The following POF1B variants were observed in gnomAD, a reference collection of about 807,000 sequenced individuals.
POF1B encodes POF1B actin binding protein.
Under a neutral mutation model 55.3 loss-of-function variants are expected in POF1B, and 53 were observed. The observed-to-expected ratio is 0.96, with a 90% confidence interval of 0.77 to 1.20. POF1B has a LOEUF of 1.20. Ranked by LOEUF, POF1B falls within the 50% of genes most tolerant of loss-of-function variation. The probability of loss-of-function intolerance (pLI) is 0.00; values close to 1 mark genes in which losing one functional copy is unlikely to be tolerated. For missense variants in POF1B, 478 were observed against 420.5 expected (o/e 1.14, Z -1.20); for synonymous variants, 188 against 148.3 (o/e 1.27, Z -1.95).
At position 85,299,472 on chromosome X, in the gene POF1B, T is replaced by C. The variant is rs1347512004; in HGVS notation, c.1649+3934A>G. Among the ~76,000 whole-genome samples the C allele has an allele frequency of 3.9e-5, 4 of 103,146 alleles. 1 individual carries two copies. The highest frequency in any genetic ancestry group is 1.1e-4 in the African/African-American group (3 of 27,290). 89.6% of individuals were successfully genotyped at this position (103,146 alleles called of 115,157 possible). A position where few individuals can be genotyped will look rare whatever the true frequency, so the allele number is the denominator to read the frequency against. On this transcript the variant is annotated intron_variant, in intron 15 of 16. Coordinates refer to ENST00000262753, the MANE Select transcript of POF1B (RefSeq NM_024921.4). The stretch of plus-strand genomic sequence containing the variant: ...CCTGGCTAATTTTTTGTATTTTTAG[T>C]AGAGACCGGGTTTCACCGTGTTAGC...
intron 6 of POF1B, among the ~76,000 whole-genome samples, chrX:85,336,854 C>T (rs976992224): frequency 2.7e-5 from 3 of 111,555 alleles, no homozygotes; most frequent in Non-Finnish European, 3.8e-5. Flanking sequence ...TGGGTTATTA[C>T]TCAAGAAATC....
Position 85,337,068 on chromosome X carries a change from C to T in POF1B, c.724-5989G>A, listed in dbSNP as rs185598261. On this transcript the variant is annotated intron_variant, in intron 6 of 16. Transcript: ENST00000262753. ...GGAAGAGACTGTCCTTTTCCCAATG[C>T]GTGTTCATAGCACCTTGGTTGAAAA... 5.4e-5 allele frequency among the ~76,000 whole-genome samples: 6 copies of T among 111,817 alleles called. No homozygotes were observed. In the East Asian group the frequency reaches 8.5e-4, roughly 16 times the overall value.
intron 15 of POF1B, among the ~76,000 whole-genome samples, chrX:85,290,450 T>C (rs1932158729): frequency 9.0e-6 from 1 of 111,479 alleles, no homozygotes; most frequent in South Asian, 3.7e-4. Flanking sequence ...AGAATGCTTT[T>C]TTTTACTTTG....
chrX:85,282,187 G>T lies in POF1B; in HGVS notation c.1764+16C>A, dbSNP rs1006478010. 8.5e-7 allele frequency: 1 copy of T among 1,177,418 alleles called. No homozygotes were observed. Among genetic ancestry groups the T allele is most frequent in the Admixed American group, 2.4e-5 (1 of 41,714 alleles). ...ATATCGTCAAAATAGGGCTAAAAAT[G>T]CCCAAGTGAACTTACACAAGTGTAT... On this transcript the variant is annotated intron_variant, in intron 16 of 16. Coordinates refer to ENST00000262753, the MANE Select transcript of POF1B (RefSeq NM_024921.4).
At position 85,351,440 on chromosome X, in the gene POF1B, A is replaced by T. The variant is rs146160940; in HGVS notation, c.450T>A (p.Ser150=). 1.5e-4 allele frequency: 171 copies of T among 1,171,973 alleles called. No homozygotes were observed. In the African/African-American group the frequency reaches 3.0e-3, roughly 20 times the overall value. The change falls in exon 5 of 17, where the codon TCT becomes TCA. Residue 150 remains serine (S), a synonymous_variant. Coordinates refer to ENST00000262753, the MANE Select transcript of POF1B (RefSeq NM_024921.4). ...AGAAATGGCTTCCTCTTAGGAATTG[A>T]GACAGTGGTTCCTAAAATGATAGTA... is the stretch of plus-strand genomic sequence containing the variant. ...VVQNPEQEPL[S]QFLRGSHFFP... is the part of the protein sequence containing the mutation.
Position 85,314,358 on chromosome X carries a change from T to A in POF1B, c.957+74A>T, listed in dbSNP as rs363749. The A allele has an allele frequency of 1.0e-5, 8 of 796,163 alleles. No homozygotes were observed. In the Admixed American group the frequency reaches 1.8e-4, roughly 18 times the overall value. The allele number at this position is 796,163 out of a possible 1,213,427, so 65.6% of individuals were successfully genotyped here. On this transcript the variant is annotated intron_variant, in intron 9 of 16. Transcript: ENST00000262753. ...GATTTTAATTTGGGACTTTCTGTTC[T>A]TAATTAAGGGAAGCAACCTAGGAAG...
At chrX:85,319,463 C>T (rs774224787) in intron 7 of POF1B, among the ~76,000 whole-genome samples, 1 of 111,065 alleles carries the variant, frequency 9.0e-6, no homozygotes, top group Non-Finnish European at 1.9e-5. Flanking sequence ...AAGAAGAATG[C>T]TTCTATCTTT....
intron 6 of POF1B, among the ~76,000 whole-genome samples, chrX:85,331,415 G>A (rs1932977018): frequency 9.0e-6 from 1 of 110,792 alleles, no homozygotes; most frequent in South Asian, 3.8e-4. Flanking sequence ...AAAAGAAAAT[G>A]TGAATTATAT....
At chrX:85,369,747 C>T (rs1051646272) in intron 2 of POF1B, among the ~76,000 whole-genome samples, 2 of 111,870 alleles carry the variant, frequency 1.8e-5, no homozygotes, top group African/African-American at 6.5e-5. Flanking sequence ...GAATCCCACA[C>T]AGAATTGGGA....
intron 15 of POF1B, among the ~76,000 whole-genome samples, chrX:85,296,323 G>C (rs150259470): frequency 2.7e-5 from 3 of 112,128 alleles, no homozygotes; most frequent in African/African-American, 9.7e-5. Context: ...TTGTGTAGTT[G>C]TTTCATAGTG....
intron 15 of POF1B, among the ~76,000 whole-genome samples, chrX:85,299,191 C>CTTTT (rs765012797): frequency 1.3e-5 from 1 of 74,885 alleles, no homozygotes; most frequent in Non-Finnish European, 2.6e-5. Flanking sequence ...CTTTTTTTTT[C>CTTTT]TTTTTTTTTT....
At chrX:85,368,084 A>G (rs1413974753) in intron 2 of POF1B, among the ~76,000 whole-genome samples, 1 of 111,828 alleles carries the variant, frequency 8.9e-6, no homozygotes, top group Non-Finnish European at 1.9e-5. Flanking sequence ...GCAATTAGCA[A>G]GATATAATAT....
At chrX:85,307,938 C>G (rs1478146014) in intron 10 of POF1B, among the ~76,000 whole-genome samples, 186 bp downstream of exon 10, 3 of 111,604 alleles carry the variant, frequency 2.7e-5, no homozygotes, top group African/African-American at 6.5e-5. Context: ...TTCATTTATA[C>G]TTTGGATACC....
intron 12 of POF1B, 78 bp from the exon 13 acceptor site, chrX:85,305,988 G>A: frequency 9.3e-7 from 1 of 1,073,994 alleles, no homozygotes; most frequent in Non-Finnish European, 1.3e-6. Flanking sequence ...ATTGTTATTA[G>A]ATGAAAACCA....
In POF1B at chrX:85,331,570, T is replaced by A. The variant is rs1163236196; in HGVS notation, c.724-491A>T. 1.8e-5 allele frequency among the ~76,000 whole-genome samples: 2 copies of A among 111,300 alleles called. 1 individual carries two copies. Among genetic ancestry groups the A allele is most frequent in the African/African-American group, 6.5e-5 (2 of 30,703 alleles). ...GCATATCCATCACCTCAAACAATAA[T>A]CATTTCTTCATGGTGAGAACATTTA... On this transcript the variant is annotated intron_variant, in intron 6 of 16. Transcript: ENST00000262753.
At chrX:85,297,012 T>C (rs1378843777) in intron 15 of POF1B, among the ~76,000 whole-genome samples, 2 of 112,107 alleles carry the variant, frequency 1.8e-5, no homozygotes, top group Non-Finnish European at 3.8e-5. Context: ...GCTTGGACTA[T>C]TCTGTTGTTA....
At chrX:85,315,282 G>T (rs1042315823) in intron 8 of POF1B, among the ~76,000 whole-genome samples, 2 of 111,002 alleles carry the variant, frequency 1.8e-5, no homozygotes, top group African/African-American at 6.5e-5. Flanking sequence ...GACTGGCATG[G>T]CACATATAAG....
intron 8 of POF1B, 125 bp downstream of exon 8, chrX:85,315,582 A>C (rs1052254047): frequency 1.2e-4 from 62 of 507,589 alleles, no homozygotes; most frequent in Non-Finnish European, 1.2e-4. Context: ...ATGGCCATAA[A>C]TTTTTTCACT....
intron 7 of POF1B, among the ~76,000 whole-genome samples, chrX:85,328,187 T>C (rs1932920897): frequency 9.6e-6 from 1 of 104,587 alleles, no homozygotes; most frequent in Non-Finnish European, 1.9e-5. Flanking sequence ...TTTATTTATT[T>C]ATTTATTTAT....
Sources: gnomAD v4.1 joint callset for allele counts (sites outside exome capture counted in the v4.1 genomes callset) on GRCh38, gnomAD v4.1.1 for gene constraint, MANE v1.5 for transcripts, NCBI Gene and HGNC (gene_info 2026-07-23, HGNC 2026-07-21) for gene names.